ITIH2: variants seen among roughly 807,000 people sequenced by gnomAD.
The protein encoded by ITIH2 is inter-alpha-trypsin inhibitor heavy chain H2.
In ITIH2, 103 loss-of-function variants were observed where a neutral mutation model predicts 104.4. The ratio of observed to expected loss-of-function variants is 0.99; its 90% CI spans 0.84 to 1.16. The LOEUF (loss-of-function observed/expected upper bound fraction) is 1.16. Ranked by LOEUF, ITIH2 falls within the 50% of genes most tolerant of loss-of-function variation. The pLI is 0.00. For synonymous variants in ITIH2, 436 were observed against 435.4 expected (o/e 1.00, Z -0.02); for missense variants, 1,108 against 1,162.4 (o/e 0.95, Z 0.68).
chr10:7,733,837 T>C (rs1835026496), intron 14 of ITIH2, among the ~76,000 whole-genome samples: 1 of 152,022 alleles, frequency 6.6e-6, no homozygotes, highest in South Asian at 2.1e-4. Context: ...TGAAATGCAG[T>C]TGTATGACTG....
intron 11 of ITIH2, among the ~76,000 whole-genome samples, chr10:7,728,452 G>C (rs756755031): frequency 6.6e-6 from 1 of 152,168 alleles, no homozygotes; most frequent in African/African-American, 2.4e-5. Flanking sequence ...AGCACACACA[G>C]CTCACTGCAG....
At chr10:7,708,252 C>T (rs1355702256) in intron 3 of ITIH2, among the ~76,000 whole-genome samples, 1 of 152,194 alleles carries the variant, frequency 6.6e-6, no homozygotes, top group African/African-American at 2.4e-5. Context: ...TGTCCATAGA[C>T]CTGAAGGAGC....
At chr10:7,712,319 A>G (rs1487815935) in intron 4 of ITIH2, among the ~76,000 whole-genome samples, 1 of 152,220 alleles carries the variant, frequency 6.6e-6, no homozygotes, top group African/African-American at 2.4e-5. Context: ...TTTTTATGAC[A>G]GCACTAAATG....
chr10:7,724,570 C>CA lies in ITIH2; in HGVS notation c.984+1020dup, dbSNP rs374923183. Among the ~76,000 whole-genome samples, 129 of 51,858 alleles carry CA rather than the reference C, an allele frequency of 2.5e-3. 6 individuals are homozygous for CA. The Middle Eastern group carries it at 0.039, about 16-fold the overall frequency. The allele number at this position is 51,858 out of a possible 152,430, so 34.0% of individuals were successfully genotyped here. ...GGGCAACAAGAGCGAAACTCCATCT[C>CA]AAAAAAAAAAAAAAAAAGAAGAGGA... On this transcript the variant is annotated intron_variant, in intron 9 of 20. Transcript: ENST00000358415.
At chr10:7,733,514 A>C (rs1835023825) in intron 14 of ITIH2, among the ~76,000 whole-genome samples, 1 of 151,924 alleles carries the variant, frequency 6.6e-6, no homozygotes, top group Admixed American at 6.6e-5. Flanking sequence ...TGGTTGCTTC[A>C]TGTATCAGTA....
intron 4 of ITIH2, among the ~76,000 whole-genome samples, chr10:7,710,682 A>G (rs931485518): frequency 6.6e-6 from 1 of 152,190 alleles, no homozygotes; most frequent in Non-Finnish European, 1.5e-5. Flanking sequence ...AACTCTAACC[A>G]AATAGGCAGA....
intron 14 of ITIH2, among the ~76,000 whole-genome samples, chr10:7,733,433 G>A (rs564038940): frequency 2.0e-5 from 3 of 152,310 alleles, no homozygotes; most frequent in African/African-American, 7.2e-5. Context: ...TGTCCAAAGA[G>A]AAATTGATGA....
chr10:7,720,768 T>A lies in ITIH2; in HGVS notation c.631-88T>A, dbSNP rs187551099. ...GGGAAACCTGCGGAGGAGAAAAGCA[T>A]CAGAGGACTTATTTGTAATTTTACT... On this transcript the variant is annotated intron_variant, in intron 6 of 20. Transcript: ENST00000358415. 5.3e-5 allele frequency: 42 copies of A among 792,876 alleles called. No individual in the cohort carries two copies. In the East Asian group the frequency reaches 1.1e-3, roughly 21 times the overall value. The allele number at this position is 792,876 out of a possible 1,614,324, so 49.1% of individuals were successfully genotyped here.
chr10:7,713,042 C>T (rs909947584), intron 4 of ITIH2, 139 bp from the exon 5 acceptor site: 20 of 609,730 alleles, frequency 3.3e-5, no homozygotes, highest in East Asian at 2.9e-5. Flanking sequence ...ATTGCTTGAA[C>T]CCAGGAGGTG....
intron 14 of ITIH2, among the ~76,000 whole-genome samples, chr10:7,733,057 A>G (rs576846145): frequency 2.6e-5 from 4 of 151,352 alleles, no homozygotes; most frequent in African/African-American, 9.7e-5. Context: ...GCACCATTCA[A>G]TGGATTTTTA....
At chr10:7,731,030 C>A (rs1588457462) in intron 12 of ITIH2, among the ~76,000 whole-genome samples, 1 of 152,120 alleles carries the variant, frequency 6.6e-6, no homozygotes, top group African/African-American at 2.4e-5. Flanking sequence ...GCGATTCTCG[C>A]ACCTCAGTCT....
At chr10:7,716,487 G>T (rs1834850806) in intron 5 of ITIH2, among the ~76,000 whole-genome samples, 1 of 152,018 alleles carries the variant, frequency 6.6e-6, no homozygotes, top group Non-Finnish European at 1.5e-5. Context: ...TATAATCCCA[G>T]CACTTTCAGA....
chr10:7,711,259 G>T (rs906394923), intron 4 of ITIH2, among the ~76,000 whole-genome samples: 1 of 152,154 alleles, frequency 6.6e-6, no homozygotes, highest in African/African-American at 2.4e-5. Flanking sequence ...TCCCTGCAAA[G>T]GACATGATCT....
At position 7,729,942 on chromosome 10, in the gene ITIH2, C is replaced by A; in HGVS notation, c.1280-10C>A. On this transcript the variant is annotated splice_polypyrimidine_tract_variant and intron_variant, in intron 11 of 20. Transcript: ENST00000358415. ...TTCATTCCTTTCCTTTCGGACATCA[C>A]CAACTTTAGGCGAACTAAAACTGTC... 6.4e-7 allele frequency: 1 copy of A among 1,573,878 alleles called. No individual in the cohort carries two copies. Among genetic ancestry groups the A allele is most frequent in the Non-Finnish European group, 8.6e-7 (1 of 1,160,792 alleles).
chr10:7,705,036 G>A (rs1378138829), intron 1 of ITIH2, 72 bp from the exon 2 acceptor site: 38 of 959,518 alleles, frequency 4.0e-5, no homozygotes, highest in Non-Finnish European at 5.1e-5. Flanking sequence ...AAATCTGCAC[G>A]TTGTGCACAT....
rs1168457328 is a variant in ITIH2 at position 7,746,684 on chromosome 10, G to T, written c.2673G>T (p.Gly891=). Residue 891 remains glycine (G), a synonymous_variant, in exon 20 of 21, where the codon GGG becomes GGT. Coordinates refer to ENST00000358415, the MANE Select transcript of ITIH2 (RefSeq NM_002216.3). Reference sequence around the variant, plus strand: ...CAGAGGCCAGCATGGAAGTGAAGGGGCAGAAGCTGATCATCACCAGGTAGG... The same window carrying T: ...CAGAGGCCAGCATGGAAGTGAAGGGTCAGAAGCTGATCATCACCAGGTAGG... ...EKPEASMEVK[G]QKLIITRGLQ... is the part of the protein sequence containing the mutation. 1 of 1,612,606 alleles carries T rather than the reference G, an allele frequency of 6.2e-7. No homozygotes were observed. Among genetic ancestry groups the T allele is most frequent in the Admixed American group, 1.7e-5 (1 of 59,994 alleles).
chr10:7,722,646 C>T (rs1327120280), intron 8 of ITIH2, among the ~76,000 whole-genome samples: 1 of 152,136 alleles, frequency 6.6e-6, no homozygotes, highest in African/African-American at 2.4e-5. Context: ...GAACTCTCTT[C>T]CCCATTCCCC....
rs746695556 is a variant in ITIH2, at chr10:7,705,123, G to C, written c.100G>C (p.Asp34His). The change falls in exon 2 of 21, where the codon GAT becomes CAT. Residue 34 changes from aspartate to histidine, a missense_variant. Asp to His is a moderately conservative substitution (Grantham distance 81, BLOSUM62 -1). Transcript: ENST00000358415. ...TTTTTTTAAGTTTGTAGACTATGAA[G>C]ATCTTGTGGAACTGGCCCCAGGCAA... ...NGLSEFVDYE[D>H]LVELAPGKFQ... 10 of 1,609,890 alleles carry C rather than the reference G, an allele frequency of 6.2e-6. No homozygotes were observed. Among genetic ancestry groups the C allele is most frequent in the Non-Finnish European group, 6.8e-6 (8 of 1,177,068 alleles).
At chr10:7,725,996 T>C (rs1308687823) in intron 9 of ITIH2, among the ~76,000 whole-genome samples, 1 of 152,210 alleles carries the variant, frequency 6.6e-6, no homozygotes, top group African/African-American at 2.4e-5. Flanking sequence ...GGAATTTGTG[T>C]TCAGGAGGGA....
Sources: gnomAD v4.1 joint callset for allele counts (sites outside exome capture counted in the v4.1 genomes callset) on GRCh38, gnomAD v4.1.1 for gene constraint, MANE v1.5 for transcripts, NCBI Gene and HGNC (gene_info 2026-07-23, HGNC 2026-07-21) for gene names.